Variants in CNPY1 observed in about 807,000 individuals in gnomAD.
CNPY1 encodes the protein canopy FGF signaling regulator 1, also known as protein canopy homolog 1.
CNPY1 carries 14 observed loss-of-function variants against 14.4 expected under a neutral mutation model. That is an observed-to-expected ratio of 0.97 (90% CI 0.64 to 1.52). The LOEUF is 1.52. CNPY1 is among the 40% of genes most tolerant of loss of function. The pLI is 0.00. For synonymous variants in CNPY1, 43 were observed against 46.5 expected (o/e 0.92, Z 0.31); for missense variants, 129 against 131.5 (o/e 0.98, Z 0.09).
intron 2 of CNPY1, among the ~76,000 whole-genome samples, chr7:155,509,815 G>A (rs911378683): frequency 1.1e-4 from 17 of 152,206 alleles, no homozygotes; most frequent in Non-Finnish European, 2.4e-4. Flanking sequence ...TCCGGAATTC[G>A]GCGAGGATTC....
chr7:155,516,309 G>A (rs1248101121), intron 2 of CNPY1, among the ~76,000 whole-genome samples: 1 of 152,200 alleles, frequency 6.6e-6, no homozygotes, highest in East Asian at 1.9e-4. Context: ...AATCAGTTAT[G>A]TTGTTTCAGT....
intron 3 of CNPY1, 23 bp from the exon 4 acceptor site, chr7:155,507,139 T>C (rs2116671707): frequency 6.9e-7 from 1 of 1,440,726 alleles, no homozygotes; most frequent in Non-Finnish European, 9.7e-7. Flanking sequence ...AATAACAACA[T>C]ATGTGGATAG....
chr7:155,527,275 A>C (rs780289756), intron 2 of CNPY1, among the ~76,000 whole-genome samples: 2 of 151,444 alleles, frequency 1.3e-5, no homozygotes, highest in Non-Finnish European at 2.9e-5. Flanking sequence ...GTCGAAGCCA[A>C]AAACCTGCAT....
At chr7:155,525,329 C>T (rs555847275) in intron 2 of CNPY1, among the ~76,000 whole-genome samples, 15 of 152,174 alleles carry the variant, frequency 9.9e-5, no homozygotes, top group Admixed American at 6.5e-4. Context: ...TACAGGCATG[C>T]GCCATCACGG....
intron 2 of CNPY1, among the ~76,000 whole-genome samples, chr7:155,520,441 T>A (rs1413406106): frequency 7.2e-6 from 1 of 138,984 alleles, no homozygotes; most frequent in Non-Finnish European, 1.6e-5. Flanking sequence ...TTTTTTTTTT[T>A]TTTTTTTTTT....
At chr7:155,507,826 C>A (rs1028519076) in intron 3 of CNPY1, among the ~76,000 whole-genome samples, 1 of 152,202 alleles carries the variant, frequency 6.6e-6, no homozygotes, top group African/African-American at 2.4e-5. Context: ...CCAGGTTATA[C>A]TTTCGGGAGC....
chr7:155,507,157 C>G (rs1210008153), intron 3 of CNPY1, 41 bp from the exon 4 acceptor site: 4 of 1,256,004 alleles, frequency 3.2e-6, no homozygotes, highest in Non-Finnish European at 4.6e-6. Flanking sequence ...TAGACGCACA[C>G]TGGCGGGGCA....
At position 155,536,546 on chromosome 7, in the gene CNPY1, T is replaced by C. The variant is rs1256446270; in HGVS notation, c.99+9285A>G. Among the ~76,000 whole-genome samples, 3 of 152,188 alleles carry C rather than the reference T, an allele frequency of 2.0e-5. No individual in the cohort carries two copies. Among genetic ancestry groups the C allele is most frequent in the African/African-American group, 7.2e-5 (3 of 41,450 alleles). ...CCCTTCTTCCAACTAGGTGAGGACA[T>C]GTGCTGGAGTCCCAGCCGTGGAACG... On this transcript the variant is annotated intron_variant, in intron 2 of 4. Coordinates refer to ENST00000636446, the MANE Select transcript of CNPY1 (RefSeq NM_001393663.1). The surrounding 1 kb of genome is among the most constrained non-coding windows in gnomAD (Gnocchi z 4.1).
At position 155,507,830 on chromosome 7, in the gene CNPY1, C is replaced by T. The variant is rs892244855; in HGVS notation, c.304-714G>A. Among the ~76,000 whole-genome samples the T allele has an allele frequency of 9.9e-5, 15 of 152,198 alleles. No homozygotes were observed. The South Asian group carries it at 1.0e-3, about 10-fold the overall frequency. ...TTAAGGAACTACCAGGTTATACTTTCGGGAGCTGTGAAGTTACCTAGTGGT... is the reference window on the plus strand; with the variant it reads ...TTAAGGAACTACCAGGTTATACTTTTGGGAGCTGTGAAGTTACCTAGTGGT... On this transcript the variant is annotated intron_variant, in intron 3 of 4. Transcript: ENST00000636446.
intron 3 of CNPY1, among the ~76,000 whole-genome samples, chr7:155,507,656 C>T (rs1318679462): frequency 6.6e-6 from 1 of 151,938 alleles, no homozygotes; most frequent in African/African-American, 2.4e-5. Flanking sequence ...TTGACAGTTA[C>T]TTCGGGAGGT....
chr7:155,506,978 G>C (rs1796336706), intron 4 of CNPY1, 42 bp downstream of exon 4: 2 of 1,276,276 alleles, frequency 1.6e-6, no homozygotes, highest in Non-Finnish European at 2.3e-6. Context: ...GAGAGAGAGA[G>C]GGTGTGCGAG....
At chr7:155,545,287 G>A (rs765410382) in intron 2 of CNPY1, among the ~76,000 whole-genome samples, 1 of 152,176 alleles carries the variant, frequency 6.6e-6, no homozygotes, top group Non-Finnish European at 1.5e-5. Context: ...GTCCCGCCTG[G>A]TGTCTTAGAC....
chr7:155,537,794 G>A (rs1797040721), intron 2 of CNPY1, among the ~76,000 whole-genome samples: 2 of 151,944 alleles, frequency 1.3e-5, no homozygotes, highest in Admixed American at 6.6e-5. Context: ...TAAGAACAAT[G>A]CTACTTTTTA....
At chr7:155,541,108 G>T (rs1359090286) in intron 2 of CNPY1, among the ~76,000 whole-genome samples, 2 of 152,184 alleles carry the variant, frequency 1.3e-5, no homozygotes, top group African/African-American at 4.8e-5. Flanking sequence ...GGCAGCAGGG[G>T]TGGTCTCCCA....
intron 1 of CNPY1, 77 bp downstream of exon 1, chr7:155,546,352 A>AC (rs1797156708): frequency 2.8e-6 from 1 of 359,438 alleles, no homozygotes; most frequent in African/African-American, 2.2e-5. Flanking sequence ...CACCCGGCTA[A>AC]TTTTTTTTTT....
At chr7:155,504,909 C>T (rs774232711) in intron 4 of CNPY1, among the ~76,000 whole-genome samples, 19 of 152,170 alleles carry the variant, frequency 1.2e-4, no homozygotes, top group Non-Finnish European at 2.6e-4. Context: ...TTCTACGGTA[C>T]GAACATCTCA....
At chr7:155,513,888 G>A (rs777932374) in intron 2 of CNPY1, among the ~76,000 whole-genome samples, 1 of 152,190 alleles carries the variant, frequency 6.6e-6, no homozygotes, top group African/African-American at 2.4e-5. Context: ...TATTCTGCCA[G>A]TTTGAAAAAT....
intron 2 of CNPY1, among the ~76,000 whole-genome samples, chr7:155,527,565 C>G (rs1212448389): frequency 6.7e-6 from 1 of 149,894 alleles, no homozygotes; most frequent in Non-Finnish European, 1.5e-5. Flanking sequence ...CCTCAGCCTC[C>G]TGAGTAGCTG....
At chr7:155,506,841 C>G in intron 4 of CNPY1, 179 bp downstream of exon 4, 2 of 621,546 alleles carry the variant, frequency 3.2e-6, no homozygotes, top group Non-Finnish European at 2.8e-6. Flanking sequence ...CCTGTGGTTT[C>G]TGTTTATCTG....
Sources: allele counts gnomAD v4.1 joint callset (sites outside exome capture counted in the v4.1 genomes callset), GRCh38; gene constraint gnomAD v4.1.1; non-coding constraint Gnocchi (gnomAD v3.1); transcripts MANE v1.5; gene names NCBI Gene and HGNC (gene_info 2026-07-23, HGNC 2026-07-21).